Variants in DOCK3 observed in about 807,000 individuals in gnomAD.
DOCK3 encodes dedicator of cytokinesis 3, also known as dedicator of cytokinesis protein 3.
A neutral mutation model predicts 265.6 loss-of-function variants in DOCK3; 60 were observed. The observed-to-expected ratio is 0.23, with a 90% CI of 0.18 to 0.28. The LOEUF is 0.28. Among genes scored for constraint, DOCK3 ranks in the 10% least tolerant of loss-of-function variants. The pLI is 1.00. For missense variants in DOCK3, 1,981 were observed against 2,594.3 expected, an observed-to-expected ratio of 0.76 and a Z score of 5.14; for synonymous variants, 881 against 938.0, an observed-to-expected ratio of 0.94 and a Z score of 1.11.
intron 1 of DOCK3, among the ~76,000 whole-genome samples, chr3:50,751,961 T>C (rs2039842789): frequency 6.6e-6 from 1 of 152,124 alleles, no homozygotes; most frequent in African/African-American, 2.4e-5. Context: ...GCCACCCCCA[T>C]GATCCAATCA....
At position 51,339,013 on chromosome 3, in the gene DOCK3, G is replaced by A; in HGVS notation, c.3751G>A (p.Ala1251Thr). ...TAAGCTTTGTGACATGCACTTGCAG[G>A]CCGAAAACTACACAGGTAAGTGGGG... ...IHKLCDMHLQ[A>T]ENYTEAAFTL... The change falls in exon 37 of 53, where the codon GCC (alanine) becomes ACC (threonine). Residue 1251 changes from alanine (A) to threonine (T), a missense_variant. Ala to Thr is a moderately conservative substitution (Grantham distance 58). Around this residue, in one of 4 missense-constraint regions of DOCK3, gnomAD observed 1,357 missense variants for 1,866.8 expected, o/e 0.73. Transcript: ENST00000266037. 1.3e-6 allele frequency: 2 copies of A among 1,598,954 alleles called. No individual in the cohort carries two copies. Among genetic ancestry groups the A allele is most frequent in the East Asian group, 2.2e-5 (1 of 44,724 alleles).
chr3:51,031,546 C>T (rs2080047328), intron 5 of DOCK3, among the ~76,000 whole-genome samples: 1 of 152,094 alleles, frequency 6.6e-6, no homozygotes. Flanking sequence ...GATATGGCAA[C>T]CCTAATTGTT....
chr3:50,863,502 T>C, intron 3 of DOCK3: 1 of 501,544 alleles, frequency 2.0e-6, no homozygotes, highest in South Asian at 1.5e-5. Context: ...ACCTACCCTT[T>C]CCATGAGACT....
intron 9 of DOCK3, among the ~76,000 whole-genome samples, chr3:51,129,499 G>A (rs540358701): frequency 2.6e-5 from 4 of 152,300 alleles, no homozygotes; most frequent in African/African-American, 9.6e-5. Context: ...GCTCAAGCCT[G>A]ATCATGTATA....
intron 5 of DOCK3, among the ~76,000 whole-genome samples, chr3:51,063,591 A>G (rs1381998265): frequency 1.3e-5 from 2 of 152,226 alleles, no homozygotes; most frequent in African/African-American, 2.4e-5. Context: ...CTTCAGAAGC[A>G]TTATTTATAG....
chr3:51,269,934 TTG>T (rs943886960), intron 23 of DOCK3, among the ~76,000 whole-genome samples: 1 of 152,190 alleles, frequency 6.6e-6, no homozygotes, highest in Admixed American at 6.5e-5. Context: ...TTGCCAAAGT[TTG>T]TGTGTCAGGT....
chr3:51,241,078 G>T (rs1033339064), intron 21 of DOCK3, among the ~76,000 whole-genome samples: 1 of 152,206 alleles, frequency 6.6e-6, no homozygotes, highest in East Asian at 1.9e-4. Context: ...TTTTCTTTGC[G>T]TATTTTGTGC....
At chr3:51,312,389 T>C (rs948949193) in intron 29 of DOCK3, 87 bp from the exon 30 acceptor site, 12 of 1,135,032 alleles carry the variant, frequency 1.1e-5, no homozygotes, top group Middle Eastern at 2.0e-4. Flanking sequence ...GTAAAATGGG[T>C]TCTATGCTAC....
At chr3:51,196,309 T>G (rs1200812193) in intron 12 of DOCK3, among the ~76,000 whole-genome samples, 1 of 152,182 alleles carries the variant, frequency 6.6e-6, no homozygotes, top group African/African-American at 2.4e-5. Flanking sequence ...AATAGATGAT[T>G]ATCTCTTGCT....
chr3:51,305,679 T>G (rs2109410724), intron 27 of DOCK3, among the ~76,000 whole-genome samples: 1 of 151,316 alleles, frequency 6.6e-6, no homozygotes, highest in Admixed American at 6.6e-5. Flanking sequence ...TTAAATGTAT[T>G]TAGTATGCCA....
chr3:50,984,240 AG>A (rs1411910498), intron 5 of DOCK3, among the ~76,000 whole-genome samples: 1 of 152,262 alleles, frequency 6.6e-6, no homozygotes, highest in African/African-American at 2.4e-5. Context: ...AAAGGTTTCC[AG>A]TCAGAAAAGC....
At chr3:50,810,990 G>A (rs1022792552) in intron 2 of DOCK3, among the ~76,000 whole-genome samples, 9 of 152,272 alleles carry the variant, frequency 5.9e-5, no homozygotes, top group Middle Eastern at 6.8e-3. Flanking sequence ...TGAACTGGAT[G>A]AAAGGTTTAA....
At chr3:51,188,331 T>C (rs1273511272) in intron 12 of DOCK3, among the ~76,000 whole-genome samples, 1 of 152,202 alleles carries the variant, frequency 6.6e-6, no homozygotes, top group Non-Finnish European at 1.5e-5. Flanking sequence ...GAAGACAGCA[T>C]AGGTTAAACA....
intron 1 of DOCK3, among the ~76,000 whole-genome samples, chr3:50,742,383 C>T (rs6446217): frequency 0.75 from 113,677 of 151,202 alleles, 43,884 homozygotes; most frequent in Middle Eastern, 0.88. Flanking sequence ...AGGCTTCAGA[C>T]GATCAAACTA....
At chr3:51,237,883 T>C (rs913102108) in intron 21 of DOCK3, among the ~76,000 whole-genome samples, 4 of 151,986 alleles carry the variant, frequency 2.6e-5, no homozygotes, top group African/African-American at 9.7e-5. Flanking sequence ...TCATTAAAAA[T>C]AACTCCCCAT....
chr3:51,168,960 A>C (rs1368085631), intron 12 of DOCK3, among the ~76,000 whole-genome samples: 1 of 152,252 alleles, frequency 6.6e-6, no homozygotes, highest in Admixed American at 6.5e-5. Context: ...GAAGACATAC[A>C]TGTGGCCAAC....
At chr3:50,751,881 G>A (rs2039835450) in intron 1 of DOCK3, among the ~76,000 whole-genome samples, 1 of 152,070 alleles carries the variant, frequency 6.6e-6, no homozygotes, top group Admixed American at 6.6e-5. Context: ...GAGTGAAGGG[G>A]AGGAGCTTCT....
At chr3:50,790,472 GC>G (rs2108598851) in intron 2 of DOCK3, among the ~76,000 whole-genome samples, 1 of 59,756 alleles carries the variant, frequency 1.7e-5, no homozygotes, top group Admixed American at 1.5e-4. Flanking sequence ...AATATTTAGA[GC>G]TTTTTTTTTT....
intron 4 of DOCK3, among the ~76,000 whole-genome samples, chr3:50,932,563 T>C (rs1297887875): frequency 1.3e-5 from 2 of 152,220 alleles, no homozygotes; most frequent in African/African-American, 4.8e-5. Context: ...TAACTTTTCA[T>C]TCAGGTTACT....
Sources: allele counts gnomAD v4.1 joint callset (sites outside exome capture counted in the v4.1 genomes callset), GRCh38; gene constraint gnomAD v4.1.1; regional missense constraint gnomAD v4.1.1; transcripts MANE v1.5; gene names NCBI Gene and HGNC (gene_info 2026-07-23, HGNC 2026-07-21).